The following CNTN1 variants were observed in gnomAD, a reference collection of about 807,000 sequenced individuals.
The protein encoded by CNTN1 is contactin-1.
A neutral mutation model predicts 126.4 loss-of-function variants in CNTN1; 38 were observed. The ratio of observed to expected loss-of-function variants is 0.30; its 90% CI spans 0.23 to 0.39. The LOEUF (loss-of-function observed/expected upper bound fraction) is 0.39. Among genes scored for constraint, CNTN1 ranks in the 10% least tolerant of loss-of-function variants. The pLI, the probability that CNTN1 is intolerant of heterozygous loss-of-function variation, is 1.00. For missense variants in CNTN1, 1,009 were observed against 1,248.4 expected, an observed-to-expected ratio of 0.81 and a Z score of 2.89; for synonymous variants, 413 against 422.6, an observed-to-expected ratio of 0.98 and a Z score of 0.28.
intron 2 of CNTN1, among the ~76,000 whole-genome samples, chr12:40,908,928 A>G (rs1944930862): frequency 6.6e-6 from 1 of 152,188 alleles, no homozygotes; most frequent in South Asian, 2.1e-4. Context: ...AAAGAGAGAA[A>G]ACAATGGGTT....
intron 1 of CNTN1, among the ~76,000 whole-genome samples, chr12:40,742,065 G>A (rs1420276576): frequency 6.6e-6 from 1 of 151,890 alleles, no homozygotes; most frequent in Admixed American, 6.6e-5. Flanking sequence ...TTATAATAGG[G>A]CTTTTTCTCA....
intron 1 of CNTN1, among the ~76,000 whole-genome samples, chr12:40,809,435 A>G (rs1940970021): frequency 6.6e-6 from 1 of 152,214 alleles, no homozygotes; most frequent in Non-Finnish European, 1.5e-5. Flanking sequence ...TATGCATATC[A>G]AAAGGAACTT....
intron 23 of CNTN1, among the ~76,000 whole-genome samples, chr12:41,037,528 G>A (rs770230155): frequency 1.3e-5 from 2 of 151,986 alleles, no homozygotes; most frequent in Non-Finnish European, 2.9e-5. Context: ...TCATATGTTC[G>A]CACAATGAGG....
At chr12:40,796,506 A>T (rs558076217) in intron 1 of CNTN1, among the ~76,000 whole-genome samples, 1 of 152,080 alleles carries the variant, frequency 6.6e-6, no homozygotes, top group African/African-American at 2.4e-5. Context: ...TAAGTGATCT[A>T]TGCTTGGGTT....
intron 14 of CNTN1, among the ~76,000 whole-genome samples, chr12:40,952,263 G>T (rs1254921354): frequency 6.6e-6 from 1 of 151,876 alleles, no homozygotes; most frequent in Non-Finnish European, 1.5e-5. Flanking sequence ...TTCTAAAATG[G>T]GAATATTAAT....
At chr12:40,732,116 C>T (rs1447597841) in intron 1 of CNTN1, among the ~76,000 whole-genome samples, 2 of 151,856 alleles carry the variant, frequency 1.3e-5, no homozygotes, top group Non-Finnish European at 2.9e-5. Context: ...AGAGAAATTG[C>T]TCATTAAACC....
chr12:41,006,727 G>A (rs537312521), intron 17 of CNTN1, among the ~76,000 whole-genome samples: 2 of 152,332 alleles, frequency 1.3e-5, no homozygotes, highest in South Asian at 2.1e-4. Flanking sequence ...GGCATTTGGG[G>A]ACTAATATTT....
At chr12:40,822,161 T>TTTTTTTTTTTTG in intron 1 of CNTN1, among the ~76,000 whole-genome samples, 1 of 127,594 alleles carries the variant, frequency 7.8e-6, no homozygotes, top group Non-Finnish European at 1.7e-5. Flanking sequence ...TTTTTTTTTT[T>TTTTTTTTTTTTG]TTTTTTTTTT....
At chr12:41,050,931 C>T (rs1018622487) in intron 23 of CNTN1, among the ~76,000 whole-genome samples, 3 of 152,058 alleles carry the variant, frequency 2.0e-5, no homozygotes, top group Middle Eastern at 6.8e-3. Context: ...TGTTATGTGG[C>T]CCTTTAGAGA....
intron 4 of CNTN1, among the ~76,000 whole-genome samples, chr12:40,921,952 C>T (rs561834508): frequency 6.6e-6 from 1 of 152,270 alleles, no homozygotes; most frequent in South Asian, 2.1e-4. Flanking sequence ...CTATCAATTA[C>T]ATCCCAAGAA....
intron 1 of CNTN1, among the ~76,000 whole-genome samples, chr12:40,812,005 T>C (rs1460709098): frequency 7.0e-6 from 1 of 142,292 alleles, no homozygotes; most frequent in Non-Finnish European, 1.5e-5. Flanking sequence ...AGATCTTTCT[T>C]TTTTTTTTAA....
intron 1 of CNTN1, among the ~76,000 whole-genome samples, chr12:40,786,933 G>T (rs935438992): frequency 2.6e-5 from 4 of 152,008 alleles, no homozygotes; most frequent in African/African-American, 9.7e-5. Context: ...TTTAAATTCA[G>T]TTTAGCACTT....
chr12:41,013,248 A>C (rs868536406), intron 17 of CNTN1, among the ~76,000 whole-genome samples: 2 of 152,130 alleles, frequency 1.3e-5, no homozygotes, highest in Non-Finnish European at 2.9e-5. Flanking sequence ...CTTACTGTAC[A>C]TGTGGCTGAG....
At chr12:40,833,412 AAT>A (rs1233791983) in intron 1 of CNTN1, among the ~76,000 whole-genome samples, 2 of 152,130 alleles carry the variant, frequency 1.3e-5, no homozygotes, top group Non-Finnish European at 2.9e-5. Context: ...TTGTCTTTTC[AAT>A]GACAGTTGTC....
At chr12:40,928,185 A>G (rs1396594916) in intron 6 of CNTN1, among the ~76,000 whole-genome samples, 2 of 152,010 alleles carry the variant, frequency 1.3e-5, no homozygotes, top group African/African-American at 4.8e-5. Context: ...GTGGGGATTT[A>G]ATTTTTAACA....
intron 20 of CNTN1, among the ~76,000 whole-genome samples, chr12:41,021,711 G>C (rs182322527): frequency 2.0e-5 from 3 of 151,322 alleles, no homozygotes; most frequent in African/African-American, 7.3e-5. Flanking sequence ...TCTATGCAAG[G>C]GTTCAGCTGA....
chr12:40,935,272 A>G (rs1300888003), intron 9 of CNTN1, among the ~76,000 whole-genome samples: 1 of 152,056 alleles, frequency 6.6e-6, no homozygotes, highest in Non-Finnish European at 1.5e-5. Flanking sequence ...AAATAAATCC[A>G]CCACTTTCTA....
intron 15 of CNTN1, among the ~76,000 whole-genome samples, chr12:40,969,126 G>T (rs983044616): frequency 6.6e-6 from 1 of 151,980 alleles, no homozygotes; most frequent in Non-Finnish European, 1.5e-5. Flanking sequence ...AATCCCTTTC[G>T]AGCAGTTTTA....
chr12:41,009,578 T>C (rs1948594647), intron 17 of CNTN1, among the ~76,000 whole-genome samples: 1 of 152,232 alleles, frequency 6.6e-6, no homozygotes, highest in South Asian at 2.1e-4. Context: ...AGGCTGTGAC[T>C]ATGGCCTCAG....
Sources: allele counts gnomAD v4.1 joint callset (sites outside exome capture counted in the v4.1 genomes callset), GRCh38; gene constraint gnomAD v4.1.1; transcripts MANE v1.5; gene names NCBI Gene and HGNC (gene_info 2026-07-23, HGNC 2026-07-21).